Variants in TSPAN11 observed in about 807,000 individuals in gnomAD.
TSPAN11 encodes tetraspanin 11.
In TSPAN11, 29 loss-of-function variants were observed where a neutral mutation model predicts 32.9. The ratio of observed to expected loss-of-function variants is 0.88; its 90% CI spans 0.66 to 1.20. TSPAN11 has a LOEUF of 1.20. Among genes scored for constraint, TSPAN11 ranks in the 50% most tolerant of loss-of-function variants. The pLI, the probability that TSPAN11 is intolerant of heterozygous loss-of-function variation, is 0.00. For synonymous variants in TSPAN11, 140 were observed against 141.3 expected (o/e 0.99, Z 0.07); for missense variants, 283 against 329.1 (o/e 0.86, Z 1.08).
In TSPAN11 at chr12:30,979,667, G is replaced by C. The variant is rs1338071175; in HGVS notation, c.453G>C (p.Gln151His). The C allele has an allele frequency of 5.6e-6, 9 of 1,614,008 alleles. No homozygotes were observed. Among genetic ancestry groups the C allele is most frequent in the Non-Finnish European group, 7.6e-6 (9 of 1,180,010 alleles). Residue 151 changes from glutamine (Q) to histidine (H), a missense_variant, in exon 5 of 8, where the codon CAG (glutamine) becomes CAC (histidine). Transcript: ENST00000546076. ...CCGCCTCAGTGGACCGACTCCAGCA[G>C]GATGTAAGCCATGCCCCATATGGCC... Reference protein sequence around the residue: ...QITASVDRLQQDFKCCGSNSS... With the variant: ...QITASVDRLQHDFKCCGSNSS...
intron 1 of TSPAN11, among the ~76,000 whole-genome samples, chr12:30,948,145 C>G (rs1938306938): frequency 6.6e-6 from 1 of 152,198 alleles, no homozygotes; most frequent in African/African-American, 2.4e-5. Flanking sequence ...TTCCCATGGT[C>G]TTAGGCAGCT....
At chr12:30,947,730 C>G (rs12303019) in intron 1 of TSPAN11, among the ~76,000 whole-genome samples, 13,225 of 152,136 alleles carry the variant, frequency 0.087, 1,562 homozygotes, top group African/African-American at 0.26. Flanking sequence ...TTCAAGTTGA[C>G]ATTTGGGTGA....
At chr12:30,928,687 C>G (rs1251071249) in intron 1 of TSPAN11, among the ~76,000 whole-genome samples, 5 of 152,212 alleles carry the variant, frequency 3.3e-5, no homozygotes, top group Non-Finnish European at 5.9e-5. Context: ...CATCACCTCT[C>G]TGGGTCTGCT....
intron 1 of TSPAN11, among the ~76,000 whole-genome samples, chr12:30,941,417 C>A (rs1029027428): frequency 6.6e-6 from 1 of 152,196 alleles, no homozygotes; most frequent in African/African-American, 2.4e-5. Flanking sequence ...TTGGGCGATG[C>A]AGAAATGGTC....
At chr12:30,938,913 A>G (rs1640297623) in intron 1 of TSPAN11, among the ~76,000 whole-genome samples, 1 of 152,138 alleles carries the variant, frequency 6.6e-6, no homozygotes, top group South Asian at 2.1e-4. Flanking sequence ...CAGGTCTGCC[A>G]AAGGAGCCTC....
chr12:31,007,042 G>A, the TSPAN11 span, among the ~76,000 whole-genome samples: 1 of 152,174 alleles, frequency 6.6e-6, no homozygotes, highest in African/African-American at 2.4e-5. Flanking sequence ...TCCCATCGGT[G>A]TAGGGGGGGC....
At chr12:30,950,297 G>A (rs1283370710) in intron 1 of TSPAN11, among the ~76,000 whole-genome samples, 2 of 152,204 alleles carry the variant, frequency 1.3e-5, no homozygotes, top group Non-Finnish European at 2.9e-5. Context: ...GTACACTGGG[G>A]TGCAGAGAGG....
chr12:30,976,152 T>A (rs1393814740), intron 3 of TSPAN11, among the ~76,000 whole-genome samples: 1 of 152,058 alleles, frequency 6.6e-6, no homozygotes, highest in Non-Finnish European at 1.5e-5. Context: ...GGGATCACAC[T>A]CTGGCATGGG....
chr12:30,929,070 C>A (rs1937861667), intron 1 of TSPAN11, among the ~76,000 whole-genome samples: 1 of 152,222 alleles, frequency 6.6e-6, no homozygotes, highest in Non-Finnish European at 1.5e-5. Flanking sequence ...AGAGCAGGCT[C>A]CACTGGCAGG....
intron 4 of TSPAN11, among the ~76,000 whole-genome samples, chr12:30,979,131 G>A (rs720481): frequency 0.34 from 51,599 of 152,124 alleles, 10,029 homozygotes; most frequent in Non-Finnish European, 0.44. Flanking sequence ...GAGACAGTGC[G>A]ACCCTGCTGG....
intron 2 of TSPAN11, among the ~76,000 whole-genome samples, chr12:30,955,618 A>G (rs1938462922): frequency 6.6e-6 from 1 of 152,230 alleles, no homozygotes; most frequent in Non-Finnish European, 1.5e-5. Context: ...CTAAAAGTCA[A>G]AAATCAAGGT....
chr12:30,998,230 C>A (rs1037667452), downstream of TSPAN11, among the ~76,000 whole-genome samples: 1 of 152,360 alleles, frequency 6.6e-6, no homozygotes, highest in Non-Finnish European at 1.5e-5. Context: ...GCCCCAACAG[C>A]CAACAAGAGC....
downstream of TSPAN11, among the ~76,000 whole-genome samples, chr12:30,996,806 G>C (rs1236687778): frequency 6.6e-6 from 1 of 152,124 alleles, no homozygotes; most frequent in African/African-American, 2.4e-5. Flanking sequence ...GACTTCTCCT[G>C]CTCACAAGTG....
chr12:30,943,061 A>G (rs941498696), intron 1 of TSPAN11, among the ~76,000 whole-genome samples: 2 of 152,198 alleles, frequency 1.3e-5, no homozygotes, highest in African/African-American at 4.8e-5. Context: ...GATTCCCTCC[A>G]GAGGGTTCTC....
chr12:30,997,800 A>G (rs1333159873), downstream of TSPAN11, among the ~76,000 whole-genome samples: 1 of 152,096 alleles, frequency 6.6e-6, no homozygotes, highest in Non-Finnish European at 1.5e-5. Flanking sequence ...GGTGGCTGAG[A>G]GCTGACCCAC....
At position 30,979,450 on chromosome 12, in the gene TSPAN11, C is replaced by A. The variant is rs73288404; in HGVS notation, c.352-116C>A. On this transcript the variant is annotated intron_variant, in intron 4 of 7. Transcript: ENST00000546076. ...GCTGTTGAGAAACCTCCGCATCACA[C>A]CATCCACAGTCCGCAGTGTTCTAGA... 5,679 of 908,536 alleles carry A rather than the reference C, an allele frequency of 6.3e-3. 217 individuals carry two copies. In the African/African-American group the frequency reaches 0.083, roughly 13 times the overall value. 56.3% of individuals were successfully genotyped at this position (908,536 alleles called of 1,614,324 possible). A position where few individuals can be genotyped will look rare whatever the true frequency, so the allele number is the denominator to read the frequency against.
Position 30,991,999 on chromosome 12 carries a change from G to C in TSPAN11, c.*84G>C. 6.8e-7 allele frequency: 1 copy of C among 1,471,284 alleles called. No individual in the cohort carries two copies. The highest frequency in any genetic ancestry group is 2.3e-5 in the East Asian group (1 of 44,024). The allele number at this position is 1,471,284 out of a possible 1,614,324, so 91.1% of individuals were successfully genotyped here. A position where few individuals can be genotyped will look rare whatever the true frequency, so the allele number is the denominator to read the frequency against. ...TGCAAGGCCTGCAGAGTTAGCACCA[G>C]CTCCACTAGGGCCATAGATGCCCCC... On this transcript the variant is annotated 3_prime_UTR_variant, in exon 8 of 8. Coordinates refer to ENST00000546076, the MANE Select transcript of TSPAN11 (RefSeq NM_001370302.1).
chr12:30,951,288 G>A (rs1392678752), intron 1 of TSPAN11, among the ~76,000 whole-genome samples: 2 of 152,204 alleles, frequency 1.3e-5, no homozygotes, highest in Admixed American at 6.5e-5. Context: ...AGGACAGGAG[G>A]CTGGGAAATG....
chr12:31,000,460 T>A (rs140131298), downstream of TSPAN11, among the ~76,000 whole-genome samples: 280 of 152,368 alleles, frequency 1.8e-3, 1 homozygote, highest in African/African-American at 6.5e-3. Context: ...AGGAACAAGC[T>A]GGACGCCTCT....
Sources: gnomAD v4.1 joint callset for allele counts (sites outside exome capture counted in the v4.1 genomes callset) on GRCh38, gnomAD v4.1.1 for gene constraint, MANE v1.5 for transcripts, NCBI Gene and HGNC (gene_info 2026-07-23, HGNC 2026-07-21) for gene names.